Variants in CADPS2 observed in about 807,000 individuals in gnomAD.
CADPS2 encodes calcium-dependent secretion activator 2.
Under a neutral mutation model 172.5 loss-of-function variants are expected in CADPS2, and 93 were observed. The ratio of observed to expected loss-of-function variants is 0.54; its 90% confidence interval spans 0.46 to 0.64. CADPS2 has a LOEUF of 0.64. Ranked by LOEUF, CADPS2 falls within the 30% of genes least tolerant of loss-of-function variation. CADPS2 has a pLI of 0.00. For synonymous variants in CADPS2, 546 were observed against 555.2 expected (o/e 0.98, Z 0.23); for missense variants, 1,420 against 1,565.9 (o/e 0.91, Z 1.57).
At chr7:122,475,754 A>C (rs1465116525) in intron 12 of CADPS2, among the ~76,000 whole-genome samples, 2 of 152,186 alleles carry the variant, frequency 1.3e-5, no homozygotes, top group African/African-American at 4.8e-5. Context: ...TACACAAACT[A>C]ATGTACATCT....
At chr7:122,737,870 G>A (rs147218813) in intron 1 of CADPS2, among the ~76,000 whole-genome samples, 189 of 152,174 alleles carry the variant, frequency 1.2e-3, no homozygotes, top group African/African-American at 4.2e-3. Context: ...AAGACAGAAC[G>A]TACCCTAAGA....
chr7:122,425,247 C>T (rs773877139), intron 17 of CADPS2, among the ~76,000 whole-genome samples: 25 of 151,748 alleles, frequency 1.6e-4, no homozygotes, highest in Admixed American at 2.6e-4. Flanking sequence ...TCCCAAAGTG[C>T]TGGGATTACA....
chr7:122,460,806 C>G (rs144632664), intron 14 of CADPS2, among the ~76,000 whole-genome samples: 2 of 152,024 alleles, frequency 1.3e-5, no homozygotes, highest in Non-Finnish European at 2.9e-5. Context: ...AACAGAATAA[C>G]AGAATTTCCA....
intron 14 of CADPS2, among the ~76,000 whole-genome samples, chr7:122,468,815 C>T (rs192761003): frequency 1.1e-4 from 16 of 152,266 alleles, no homozygotes; most frequent in Admixed American, 3.3e-4. Flanking sequence ...TCACAGGAAA[C>T]GTCATAACTT....
chr7:122,371,354 T>A (rs1457536103), intron 25 of CADPS2, among the ~76,000 whole-genome samples: 1 of 151,976 alleles, frequency 6.6e-6, no homozygotes, highest in Non-Finnish European at 1.5e-5. Context: ...CTTAGCAAAC[T>A]TACAATCATG....
chr7:122,789,420 C>T (rs947185433), intron 1 of CADPS2, among the ~76,000 whole-genome samples: 1 of 152,152 alleles, frequency 6.6e-6, no homozygotes, highest in African/African-American at 2.4e-5. Flanking sequence ...CCCTCAACTA[C>T]TTTGTCTTGC....
rs564657258 is a variant in CADPS2 at position 122,618,823 on chromosome 7, C to T, written c.1104+2658G>A. Among the ~76,000 whole-genome samples, 3 of 152,294 alleles carry T rather than the reference C, an allele frequency of 2.0e-5. No homozygotes were observed. The South Asian group carries it at 6.2e-4, about 32-fold the overall frequency. On this transcript the variant is annotated intron_variant, in intron 5 of 29. Transcript: ENST00000449022. Reference sequence around the variant, plus strand: ...TCTATTCTCTCTGGTGTCCTATAAACATGCACTGCACCATCGTCACTTAAC... The same window carrying T: ...TCTATTCTCTCTGGTGTCCTATAAATATGCACTGCACCATCGTCACTTAAC...
chr7:122,768,316 CAGA>C (rs1413877603), intron 1 of CADPS2, among the ~76,000 whole-genome samples: 2 of 152,110 alleles, frequency 1.3e-5, no homozygotes, highest in Non-Finnish European at 2.9e-5. Flanking sequence ...TTACCCACAT[CAGA>C]AATATGCAAC....
chr7:122,556,579 C>T (rs1011089162), intron 7 of CADPS2, among the ~76,000 whole-genome samples: 2 of 152,092 alleles, frequency 1.3e-5, no homozygotes, highest in African/African-American at 4.8e-5. Context: ...CTGATGATGG[C>T]TTGCTAAATT....
intron 8 of CADPS2, among the ~76,000 whole-genome samples, chr7:122,523,297 A>G (rs185898032): frequency 1.4e-4 from 21 of 152,286 alleles, no homozygotes; most frequent in African/African-American, 5.1e-4. Context: ...ACCTAGAAAT[A>G]AAACAACTAG....
At chr7:122,828,160 A>G (rs1805494696) in intron 1 of CADPS2, among the ~76,000 whole-genome samples, 1 of 152,162 alleles carries the variant, frequency 6.6e-6, no homozygotes, top group Non-Finnish European at 1.5e-5. Flanking sequence ...TGTTGCCTCT[A>G]ATAACTTCTT....
At chr7:122,858,630 T>C (rs1181310077) in intron 1 of CADPS2, among the ~76,000 whole-genome samples, 1 of 152,228 alleles carries the variant, frequency 6.6e-6, no homozygotes, top group Non-Finnish European at 1.5e-5. Flanking sequence ...CTTTTAACCT[T>C]CATTCTCTAA....
At chr7:122,731,073 TG>T (rs925039060) in intron 2 of CADPS2, among the ~76,000 whole-genome samples, 4 of 107,412 alleles carry the variant, frequency 3.7e-5, no homozygotes, top group African/African-American at 1.4e-4. Flanking sequence ...GTGGTGGGGG[TG>T]GGGGTGGCAA....
At chr7:122,328,143 ACACACACACACACACACG>A (rs993297488) in intron 28 of CADPS2, among the ~76,000 whole-genome samples, 2 of 146,232 alleles carry the variant, frequency 1.4e-5, no homozygotes, top group African/African-American at 5.1e-5. Flanking sequence ...ACACACACAC[ACACACACACACACACACG>A]CACGCACACA....
chr7:122,737,393 T>C (rs1034865286), intron 1 of CADPS2, among the ~76,000 whole-genome samples: 13 of 152,162 alleles, frequency 8.5e-5, no homozygotes, highest in African/African-American at 2.9e-4. Context: ...CTTGCTAATT[T>C]TTGTATTTTT....
In CADPS2 at chr7:122,775,482, C is replaced by A. The variant is rs1035629110; in HGVS notation, c.340-38414G>T. Among the ~76,000 whole-genome samples, 2 of 152,134 alleles carry A rather than the reference C, an allele frequency of 1.3e-5. 1 individual carries two copies. Among genetic ancestry groups the A allele is most frequent in the South Asian group, 4.1e-4 (2 of 4,820 alleles). On this transcript the variant is annotated intron_variant, in intron 1 of 29. Coordinates refer to ENST00000449022, the MANE Select transcript of CADPS2 (RefSeq NM_017954.11). ...GAGAAAACTCAGAGCCCAGGAAATACCAATTATTTTAAAGGAGCTACTAGC... is the reference window on the plus strand; with the variant it reads ...GAGAAAACTCAGAGCCCAGGAAATAACAATTATTTTAAAGGAGCTACTAGC...
chr7:122,683,586 T>C (rs1423596300), intron 2 of CADPS2, among the ~76,000 whole-genome samples: 2 of 152,230 alleles, frequency 1.3e-5, no homozygotes. Flanking sequence ...TCAACATATT[T>C]TTTTTAATAC....
At chr7:122,809,965 C>T (rs6969464) in intron 1 of CADPS2, among the ~76,000 whole-genome samples, 1,895 of 152,264 alleles carry the variant, frequency 0.012, 40 homozygotes, top group African/African-American at 0.043. Flanking sequence ...TACACATATG[C>T]ACACATGTTC....
intron 2 of CADPS2, among the ~76,000 whole-genome samples, chr7:122,721,610 A>G (rs2090412240): frequency 2.0e-5 from 3 of 152,178 alleles, no homozygotes. Context: ...TACCAGAGGT[A>G]CAAGGAGGAG....
Sources: allele counts gnomAD v4.1 joint callset (sites outside exome capture counted in the v4.1 genomes callset), GRCh38; gene constraint gnomAD v4.1.1; transcripts MANE v1.5; gene names NCBI Gene and HGNC (gene_info 2026-07-23, HGNC 2026-07-21).